COL21A1: variants seen among roughly 807,000 people sequenced by gnomAD.
The protein encoded by COL21A1 is collagen type XXI alpha 1 chain, also known as collagen alpha-1(XXI) chain.
In COL21A1, 149 loss-of-function variants were observed where a neutral mutation model predicts 137.9. The ratio of observed to expected loss-of-function variants is 1.08; its 90% confidence interval spans 0.95 to 1.24. The LOEUF is 1.24. COL21A1 is among the 50% of genes most tolerant of loss of function. The probability of loss-of-function intolerance (pLI) is 0.00; values close to 1 mark genes in which losing one functional copy is unlikely to be tolerated. For missense variants in COL21A1, 1,167 were observed against 1,158.4 expected (o/e 1.01, Z -0.11); for synonymous variants, 456 against 391.5 (o/e 1.16, Z -1.95).
intron 21 of COL21A1, 60 bp downstream of exon 21, chr6:56,070,685 T>A: frequency 8.7e-7 from 1 of 1,146,210 alleles, no homozygotes; most frequent in Non-Finnish European, 1.2e-6. Context: ...TTTTCTTAAA[T>A]AATGAGGGGA....
intron 17 of COL21A1, among the ~76,000 whole-genome samples, chr6:56,082,233 G>T (rs1229566664): frequency 6.6e-6 from 1 of 151,856 alleles, no homozygotes; most frequent in Non-Finnish European, 1.5e-5. Flanking sequence ...TGGTGGGAAA[G>T]TCATGTAGCC....
At chr6:56,139,240 A>G (rs1774220682) in intron 12 of COL21A1, among the ~76,000 whole-genome samples, 1 of 152,136 alleles carries the variant, frequency 6.6e-6, no homozygotes, top group Non-Finnish European at 1.5e-5. Flanking sequence ...CATCATCACT[A>G]TCATCACCAA....
At chr6:56,229,812 C>A (rs1158092486) in intron 1 of COL21A1, among the ~76,000 whole-genome samples, 1 of 151,906 alleles carries the variant, frequency 6.6e-6, no homozygotes, top group African/African-American at 2.4e-5. Context: ...TGACTGTGTA[C>A]CTGAAATTTA....
intron 1 of COL21A1, among the ~76,000 whole-genome samples, chr6:56,194,940 A>C (rs545381640): frequency 6.6e-6 from 1 of 152,298 alleles, no homozygotes; most frequent in African/African-American, 2.4e-5. Flanking sequence ...GAATGGGTTA[A>C]TCCATTCACA....
rs62411455 is a variant in COL21A1 at position 56,103,568 on chromosome 6, A to T, written c.1759-2043T>A. 9.9e-5 allele frequency among the ~76,000 whole-genome samples: 15 copies of T among 152,110 alleles called. 1 individual carries two copies. In the South Asian group the frequency reaches 2.7e-3, roughly 27 times the overall value. ...ATTTATAAAATCTCTACTTTTTTCT[A>T]TCTGTCCATTGACCTAATATCATTT... is the stretch of plus-strand genomic sequence containing the variant. On this transcript the variant is annotated intron_variant, in intron 16 of 29. Coordinates refer to ENST00000244728, the MANE Select transcript of COL21A1 (RefSeq NM_030820.4).
rs1007329035 is a variant in COL21A1 at position 56,257,696 on chromosome 6, T to C, written c.-38-75040A>G. Among the ~76,000 whole-genome samples the C allele has an allele frequency of 2.0e-5, 3 of 152,292 alleles. No homozygotes were observed. The East Asian group carries it at 5.8e-4, about 29-fold the overall frequency. ...CCACAGAAAATTGTAAATAAGTGGA[T>C]ATCACCATATTCCAATAAAACTTTA... On this transcript the variant is annotated intron_variant, in intron 1 of 28. Coordinates refer to the COL21A1 transcript ENST00000370819.
chr6:56,384,447 T>G (rs1416824219), intron 1 of COL21A1, among the ~76,000 whole-genome samples: 1 of 152,226 alleles, frequency 6.6e-6, no homozygotes, highest in Non-Finnish European at 1.5e-5. Flanking sequence ...TGCATAAACT[T>G]GTCAAAGCTG....
upstream of COL21A1, among the ~76,000 whole-genome samples, chr6:56,249,828 C>T (rs1038565356): frequency 1.3e-5 from 2 of 152,284 alleles, no homozygotes; most frequent in African/African-American, 4.8e-5. Context: ...ATACTAAAAA[C>T]TACTGAATTG....
chr6:56,222,633 G>A (rs1040155283), intron 1 of COL21A1, among the ~76,000 whole-genome samples: 1 of 152,070 alleles, frequency 6.6e-6, no homozygotes, highest in African/African-American at 2.4e-5. Flanking sequence ...GAGTAGGAGA[G>A]TATCAAAAGA....
At position 56,099,128 on chromosome 6, in the gene COL21A1, G is replaced by A. The variant is rs145945051; in HGVS notation, c.1812+2344C>T. Among the ~76,000 whole-genome samples, 149 of 151,764 alleles carry A rather than the reference G, an allele frequency of 9.8e-4. No individual in the cohort carries two copies. The East Asian group carries it at 0.027, about 27-fold the overall frequency. ...AATTATGGTCTACACAGACTTGCCG[G>A]TCAGTCTGCCCTTTCTAACATTGTT... On this transcript the variant is annotated intron_variant, in intron 17 of 29. Transcript: ENST00000244728.
intron 17 of COL21A1, among the ~76,000 whole-genome samples, chr6:56,083,626 A>G (rs1041983144): frequency 6.6e-6 from 1 of 151,944 alleles, no homozygotes; most frequent in Non-Finnish European, 1.5e-5. Context: ...ATATTATCTA[A>G]TATCTGAGGA....
chr6:56,199,547 C>T (rs1232737609), intron 1 of COL21A1, among the ~76,000 whole-genome samples: 1 of 152,026 alleles, frequency 6.6e-6, no homozygotes, highest in Non-Finnish European at 1.5e-5. Flanking sequence ...ACTTGGTAAT[C>T]TGTATCTTCC....
chr6:56,295,575 G>A (rs2152336291), intron 1 of COL21A1, among the ~76,000 whole-genome samples: 1 of 151,948 alleles, frequency 6.6e-6, no homozygotes, highest in East Asian at 1.9e-4. Flanking sequence ...CATTGTATAT[G>A]GAGTATCTTT....
At chr6:56,263,371 T>C (rs1763326219) in intron 1 of COL21A1, among the ~76,000 whole-genome samples, 1 of 152,112 alleles carries the variant, frequency 6.6e-6, no homozygotes, top group African/African-American at 2.4e-5. Context: ...TCTGACCCAA[T>C]GACACAAAGG....
intron 17 of COL21A1, among the ~76,000 whole-genome samples, chr6:56,095,293 T>A (rs972935070): frequency 6.6e-6 from 1 of 152,152 alleles, no homozygotes; most frequent in Non-Finnish European, 1.5e-5. Flanking sequence ...TTCCTCTGTA[T>A]CCATCCATGC....
At chr6:56,077,420 T>A in intron 18 of COL21A1, 109 bp downstream of exon 18, 1 of 735,754 alleles carries the variant, frequency 1.4e-6, no homozygotes, top group Non-Finnish European at 2.2e-6. Flanking sequence ...AATTATATAA[T>A]ATTTGAAAAA....
chr6:56,187,382 G>A (rs1778369805), intron 1 of COL21A1, among the ~76,000 whole-genome samples: 1 of 152,150 alleles, frequency 6.6e-6, no homozygotes, highest in Non-Finnish European at 1.5e-5. Flanking sequence ...CTTTACACTG[G>A]AGATTAAGTT....
At chr6:56,262,353 C>T (rs1402791471) in intron 1 of COL21A1, among the ~76,000 whole-genome samples, 1 of 152,162 alleles carries the variant, frequency 6.6e-6, no homozygotes, top group Non-Finnish European at 1.5e-5. Context: ...GTATCTACTC[C>T]ATGGCAGGCA....
At chr6:56,097,968 T>A (rs1335663474) in intron 17 of COL21A1, among the ~76,000 whole-genome samples, 1 of 76,030 alleles carries the variant, frequency 1.3e-5, no homozygotes, top group Non-Finnish European at 2.2e-5. Flanking sequence ...TATATATAAA[T>A]ATATAAATAT....
Sources: gnomAD v4.1 joint callset for allele counts (sites outside exome capture counted in the v4.1 genomes callset) on GRCh38, gnomAD v4.1.1 for gene constraint, MANE v1.5 for transcripts, NCBI Gene and HGNC (gene_info 2026-07-23, HGNC 2026-07-21) for gene names.